The following LRP1B variants were observed in gnomAD, a reference collection of about 807,000 sequenced individuals.
The protein encoded by LRP1B is LDL receptor related protein 1B.
A neutral mutation model predicts 556.6 loss-of-function variants in LRP1B; 217 were observed. The observed-to-expected ratio is 0.39, with a 90% confidence interval of 0.35 to 0.44. The LOEUF is 0.44. Ranked by LOEUF, LRP1B falls within the 20% of genes least tolerant of loss-of-function variation. The pLI, the probability that LRP1B is intolerant of heterozygous loss-of-function variation, is 1.00. For missense variants in LRP1B, 5,053 were observed against 5,620.8 expected (o/e 0.90, Z 3.23); for synonymous variants, 2,047 against 1,865.8 (o/e 1.10, Z -2.50).
rs182480784 is a variant in LRP1B, at chr2:141,771,578, C to A, written c.205+38701G>T. 7.9e-5 allele frequency among the ~76,000 whole-genome samples: 12 copies of A among 152,230 alleles called. No individual in the cohort carries two copies. In the East Asian group the frequency reaches 2.3e-3, roughly 29 times the overall value. On this transcript the variant is annotated intron_variant, in intron 2 of 90. Coordinates refer to ENST00000389484, the MANE Select transcript of LRP1B (RefSeq NM_018557.3). ...CATTGTTTACTTTAGAAGGAGGTTGCATAATTCTAGGACCTTTTTTTAAGA... is the reference window on the plus strand; with the variant it reads ...CATTGTTTACTTTAGAAGGAGGTTGAATAATTCTAGGACCTTTTTTTAAGA...
chr2:141,212,122 C>T (rs1032068686), intron 6 of LRP1B, among the ~76,000 whole-genome samples: 4 of 151,674 alleles, frequency 2.6e-5, no homozygotes, highest in African/African-American at 9.7e-5. Context: ...TTATAATATC[C>T]TTATAGAAGA....
intron 43 of LRP1B, among the ~76,000 whole-genome samples, chr2:140,598,394 C>T (rs1054003498): frequency 6.6e-6 from 1 of 152,100 alleles, no homozygotes; most frequent in African/African-American, 2.4e-5. Context: ...ACTATTGCTC[C>T]AGAAAAAGTT....
chr2:140,938,269 A>G (rs1351350412), intron 20 of LRP1B, among the ~76,000 whole-genome samples: 1 of 152,084 alleles, frequency 6.6e-6, no homozygotes, highest in East Asian at 1.9e-4. Context: ...TGTGAACTGA[A>G]TAGTGTGAGA....
intron 41 of LRP1B, among the ~76,000 whole-genome samples, chr2:140,636,946 T>C (rs1352154573): frequency 6.6e-6 from 1 of 152,168 alleles, no homozygotes; most frequent in Non-Finnish European, 1.5e-5. Flanking sequence ...ATTGAGAAGA[T>C]GGCCCAAGGA....
At chr2:140,769,755 C>T (rs1215145584) in intron 34 of LRP1B, among the ~76,000 whole-genome samples, 2 of 151,910 alleles carry the variant, frequency 1.3e-5, no homozygotes, top group African/African-American at 4.8e-5. Flanking sequence ...AAAATCCAAA[C>T]ATCTCTTTAC....
intron 11 of LRP1B, among the ~76,000 whole-genome samples, chr2:141,046,602 C>T (rs1039812769): frequency 2.6e-5 from 4 of 152,078 alleles, no homozygotes; most frequent in Non-Finnish European, 5.9e-5. Flanking sequence ...GACAGATATG[C>T]CTGGCGGTCA....
chr2:140,233,012 C>T lies in LRP1B; in HGVS notation c.*174G>A. On this transcript the variant is annotated 3_prime_UTR_variant, in exon 91 of 91. Coordinates refer to ENST00000389484, the MANE Select transcript of LRP1B (RefSeq NM_018557.3). ...TTCATAAAAATACCATACAAATGGTCAATCAATAGTCATCAGCAAAAAATA... is the reference window on the plus strand; with the variant it reads ...TTCATAAAAATACCATACAAATGGTTAATCAATAGTCATCAGCAAAAAATA... The T allele has an allele frequency of 6.8e-6, 3 of 439,708 alleles. No individual in the cohort carries two copies. Among genetic ancestry groups the T allele is most frequent in the Non-Finnish European group, 1.2e-5 (3 of 250,594 alleles). 27.2% of individuals were successfully genotyped at this position (439,708 alleles called of 1,614,324 possible). A position where few individuals can be genotyped will look rare whatever the true frequency, so the allele number is the denominator to read the frequency against.
At chr2:140,675,297 C>T (rs1685632580) in intron 41 of LRP1B, among the ~76,000 whole-genome samples, 1 of 152,154 alleles carries the variant, frequency 6.6e-6, no homozygotes, top group South Asian at 2.1e-4. Flanking sequence ...ACATATAAAA[C>T]TGACCAGCAC....
At chr2:141,878,356 C>T (rs917942666) in intron 1 of LRP1B, among the ~76,000 whole-genome samples, 8 of 151,102 alleles carry the variant, frequency 5.3e-5, no homozygotes, top group South Asian at 2.1e-4. Flanking sequence ...TCTAAGGTAC[C>T]GGCAAAAAAT....
intron 7 of LRP1B, 145 bp downstream of exon 7, chr2:141,188,276 C>A (rs113523586): frequency 1.9e-5 from 14 of 753,414 alleles, no homozygotes; most frequent in African/African-American, 1.1e-4. Flanking sequence ...GCCTTTTTTC[C>A]TTCCTGCGAC....
chr2:140,960,548 TAGAA>T (rs1696004085), intron 18 of LRP1B, among the ~76,000 whole-genome samples: 1 of 151,322 alleles, frequency 6.6e-6, no homozygotes, highest in Admixed American at 6.6e-5. Context: ...AATCACTAAA[TAGAA>T]AGAACGTTAA....
intron 3 of LRP1B, among the ~76,000 whole-genome samples, chr2:141,407,028 T>C (rs1690669491): frequency 6.6e-6 from 1 of 152,190 alleles, no homozygotes; most frequent in Admixed American, 6.5e-5. Context: ...AATATTTCTG[T>C]ACCACAAAGT....
rs568803158 is a variant in LRP1B at position 140,322,745 on chromosome 2, C to T, written c.12515-657G>A. Among the ~76,000 whole-genome samples the T allele has an allele frequency of 2.1e-3, 326 of 151,926 alleles. 3 individuals carry two copies. Among genetic ancestry groups the T allele is most frequent in the African/African-American group, 7.4e-3 (308 of 41,474 alleles). ...AGTCATAGCTGATTTTTGACCTTTCCTAGAGATTATTTCATCAGAATTAAA... is the reference window on the plus strand; with the variant it reads ...AGTCATAGCTGATTTTTGACCTTTCTTAGAGATTATTTCATCAGAATTAAA... On this transcript the variant is annotated intron_variant, in intron 81 of 90. Transcript: ENST00000389484.
At chr2:142,111,501 A>C (rs979066587) in intron 1 of LRP1B, among the ~76,000 whole-genome samples, 2 of 152,138 alleles carry the variant, frequency 1.3e-5, no homozygotes, top group African/African-American at 4.8e-5. Flanking sequence ...GGGGCAAAGA[A>C]ACATGAGAGT....
chr2:141,413,048 G>T (rs2104946257), intron 3 of LRP1B, among the ~76,000 whole-genome samples: 1 of 152,166 alleles, frequency 6.6e-6, no homozygotes, highest in Middle Eastern at 3.4e-3. Flanking sequence ...ACAGCACAGT[G>T]AGACCCCATC....
chr2:141,923,403 C>CTATATATATATATATATATATATATATA lies in LRP1B; in HGVS notation c.83-113003_83-113002insTATATATATATATATATATATATATATA, dbSNP rs61682272. ...ATTTTTAATGAAATTATCTCTGTCA[C>CTATATATATATATATATATATATATATA]TATATATATATATATATATAGTGAC... is the stretch of plus-strand genomic sequence containing the variant. On this transcript the variant is annotated intron_variant, in intron 1 of 90. Coordinates refer to ENST00000389484, the MANE Select transcript of LRP1B (RefSeq NM_018557.3). Among the ~76,000 whole-genome samples the CTATATATATATATATATATATATATATA allele has an allele frequency of 1.1e-4, 11 of 102,096 alleles. 1 individual carries two copies. Among genetic ancestry groups the CTATATATATATATATATATATATATATA allele is most frequent in the Admixed American group, 4.2e-4 (4 of 9,532 alleles). The allele number at this position is 102,096 out of a possible 152,430, so 67.0% of individuals were successfully genotyped here. A position where few individuals can be genotyped will look rare whatever the true frequency, so the allele number is the denominator to read the frequency against.
intron 77 of LRP1B, among the ~76,000 whole-genome samples, chr2:140,349,167 G>A (rs1000701559): frequency 6.6e-6 from 1 of 152,008 alleles, no homozygotes; most frequent in Admixed American, 6.6e-5. Flanking sequence ...TCTGTGGCCT[G>A]GGGGTTGGAG....
intron 1 of LRP1B, among the ~76,000 whole-genome samples, chr2:142,121,120 A>G (rs1247750499): frequency 6.6e-6 from 1 of 152,152 alleles, no homozygotes; most frequent in Non-Finnish European, 1.5e-5. Context: ...TCTTATAGAA[A>G]ATCTTTCTAA....
chr2:141,057,617 G>A lies in LRP1B; in HGVS notation c.1408+1266C>T, dbSNP rs886218529. On this transcript the variant is annotated intron_variant, in intron 9 of 90. Transcript: ENST00000389484. ...AGATCTGATGGTTTTAAAAAGGGGG[G>A]TTTTCCTGCACAAGCTCTCTGTCTG... is the stretch of plus-strand genomic sequence containing the variant. Among the ~76,000 whole-genome samples the A allele has an allele frequency of 4.4e-4, 67 of 151,800 alleles. 1 individual carries two copies. Among genetic ancestry groups the A allele is most frequent in the Admixed American group, 2.2e-3 (33 of 15,192 alleles).
Sources: allele counts gnomAD v4.1 joint callset (sites outside exome capture counted in the v4.1 genomes callset), GRCh38; gene constraint gnomAD v4.1.1; transcripts MANE v1.5; gene names NCBI Gene and HGNC (gene_info 2026-07-23, HGNC 2026-07-21).